Variants in PPP4R2 observed in about 807,000 individuals in gnomAD.
PPP4R2 encodes serine/threonine-protein phosphatase 4 regulatory subunit 2.
A neutral mutation model predicts 47.2 loss-of-function variants in PPP4R2; 13 were observed. The ratio of observed to expected loss-of-function variants is 0.28; its 90% CI spans 0.18 to 0.44. The LOEUF is 0.44. Among genes scored for constraint, PPP4R2 ranks in the 20% least tolerant of loss-of-function variants. The pLI, the probability that PPP4R2 is intolerant of heterozygous loss-of-function variation, is 1.00. For synonymous variants in PPP4R2, 151 were observed against 163.3 expected, an observed-to-expected ratio of 0.92 and a Z score of 0.57; for missense variants, 421 against 491.2, an observed-to-expected ratio of 0.86 and a Z score of 1.35.
rs554915209 is a variant in PPP4R2 at position 73,066,248 on chromosome 3, A to C, written c.*526A>C. ...AAGTCATATATACATACATATATAT[A>C]TATATATATATATAATTCTAAGGGG... On this transcript the variant is annotated 3_prime_UTR_variant, in exon 9 of 9. Coordinates refer to ENST00000356692, the MANE Select transcript of PPP4R2 (RefSeq NM_174907.4). The C allele has an allele frequency of 9.6e-5, 14 of 146,596 alleles. No individual in the cohort carries two copies. The highest frequency in any genetic ancestry group is 1.8e-4 in the Non-Finnish European group (12 of 66,516). The allele number at this position is 146,596 out of a possible 1,614,324, so 9.1% of individuals were successfully genotyped here. A position where few individuals can be genotyped will look rare whatever the true frequency, so the allele number is the denominator to read the frequency against.
chr3:73,063,032 T>C (rs1367711613), intron 5 of PPP4R2: 15 of 869,532 alleles, frequency 1.7e-5, no homozygotes, highest in East Asian at 2.5e-5. Context: ...AAAACAATGG[T>C]TAAAAAGGCA....
At chr3:73,060,079 T>G (rs1702820441) in intron 4 of PPP4R2, among the ~76,000 whole-genome samples, 2 of 152,184 alleles carry the variant, frequency 1.3e-5, no homozygotes, top group South Asian at 4.1e-4. Flanking sequence ...GTTCTAATTT[T>G]CAGTTGATGG....
At chr3:73,054,759 T>A (rs940601289) in intron 3 of PPP4R2, among the ~76,000 whole-genome samples, 5 of 152,268 alleles carry the variant, frequency 3.3e-5, no homozygotes, top group African/African-American at 1.2e-4. Context: ...GTTAAACTGA[T>A]TTTTTTAGAG....
At chr3:73,038,238 A>AG (rs1398018505) in intron 2 of PPP4R2, among the ~76,000 whole-genome samples, 11 of 151,960 alleles carry the variant, frequency 7.2e-5, no homozygotes, top group Non-Finnish European at 1.5e-4. Flanking sequence ...CAAGTTAAAA[A>AG]ACTCAACATC....
intron 2 of PPP4R2, among the ~76,000 whole-genome samples, chr3:73,043,812 G>C (rs1214347820): frequency 6.6e-6 from 1 of 152,152 alleles, no homozygotes; most frequent in African/African-American, 2.4e-5. Context: ...TTTATTGCCA[G>C]TAAGTACACT....
At chr3:73,063,862 A>G in intron 6 of PPP4R2, 115 bp downstream of exon 6, 2 of 1,089,152 alleles carry the variant, frequency 1.8e-6, no homozygotes, top group Non-Finnish European at 1.4e-6. Flanking sequence ...GATGAACTAC[A>G]TAGAATTAGT....
At chr3:73,034,366 G>A (rs148973642) in intron 2 of PPP4R2, among the ~76,000 whole-genome samples, 4 of 152,244 alleles carry the variant, frequency 2.6e-5, no homozygotes, top group South Asian at 2.1e-4. Context: ...TCCAGGTAAC[G>A]CAGAACACTT....
At chr3:73,048,208 A>C (rs1483500468) in intron 3 of PPP4R2, among the ~76,000 whole-genome samples, 3 of 151,972 alleles carry the variant, frequency 2.0e-5, no homozygotes, top group African/African-American at 7.2e-5. Context: ...ACTGTGTCTC[A>C]TACTCTGTCA....
At chr3:73,061,951 G>A (rs1032133335) in intron 5 of PPP4R2, 1 of 636,306 alleles carries the variant, frequency 1.6e-6, no homozygotes, top group African/African-American at 1.9e-5. Context: ...TTTCTTGACA[G>A]AAAAACTATT....
chr3:73,015,914 A>G, intron 2 of PPP4R2: 1 of 309,786 alleles, frequency 3.2e-6, no homozygotes, highest in Admixed American at 3.6e-5. Flanking sequence ...CTGGGATTAC[A>G]GACGTGAACT....
chr3:73,064,006 T>A lies in PPP4R2; in HGVS notation c.498T>A (p.Ser166=). Residue 166 remains serine (S), a synonymous_variant, in exon 7 of 9, where the codon TCT becomes TCA. Coordinates refer to ENST00000356692, the MANE Select transcript of PPP4R2 (RefSeq NM_174907.4). ...PGNSPSYTER[S]NINGPGTPRP... ...ATGTTCATTTATCTTATTATAGGTC[T>A]AATATAAATGGGCCTGGGACACCCA... 6.3e-7 allele frequency: 1 copy of A among 1,589,662 alleles called. No individual in the cohort carries two copies. Among genetic ancestry groups the A allele is most frequent in the Non-Finnish European group, 8.5e-7 (1 of 1,173,604 alleles).
intron 3 of PPP4R2, among the ~76,000 whole-genome samples, chr3:73,048,277 CAG>C (rs1244417782): frequency 6.6e-6 from 1 of 152,114 alleles, no homozygotes; most frequent in East Asian, 1.9e-4. Flanking sequence ...TGTTTTGAGA[CAG>C]AGTCTCGCTG....
chr3:73,040,896 G>C (rs1702365455), intron 2 of PPP4R2, among the ~76,000 whole-genome samples: 1 of 152,122 alleles, frequency 6.6e-6, no homozygotes, highest in East Asian at 1.9e-4. Context: ...AAGACTGTTT[G>C]TCCCATGCAA....
chr3:73,066,019 TG>T lies in PPP4R2; in HGVS notation c.*299del, dbSNP rs1330564505. The T allele has an allele frequency of 5.5e-6, 1 of 182,710 alleles. No homozygotes were observed. The highest frequency in any genetic ancestry group is 6.2e-5 in the Admixed American group (1 of 16,188). 11.3% of individuals were successfully genotyped at this position (182,710 alleles called of 1,614,324 possible). Reference sequence around the variant, plus strand: ...TAATTTAGGATTGAAGTTTTTAAACTGGAAAGTAATTACAATTTTGAAAAGT... The same window carrying T: ...TAATTTAGGATTGAAGTTTTTAAACTGAAAGTAATTACAATTTTGAAAAGT... On this transcript the variant is annotated 3_prime_UTR_variant, in exon 9 of 9. Coordinates refer to ENST00000356692, the MANE Select transcript of PPP4R2 (RefSeq NM_174907.4).
chr3:73,024,916 A>G (rs1245299810), intron 2 of PPP4R2, among the ~76,000 whole-genome samples: 1 of 152,178 alleles, frequency 6.6e-6, no homozygotes, highest in Non-Finnish European at 1.5e-5. Context: ...GGGTTGAGCT[A>G]CACTACCAAG....
chr3:73,042,594 A>G (rs931506451), intron 2 of PPP4R2, among the ~76,000 whole-genome samples: 7 of 151,712 alleles, frequency 4.6e-5, no homozygotes, highest in African/African-American at 1.7e-4. Context: ...TGGTCTCTTG[A>G]CCTTGTGATA....
At position 73,047,225 on chromosome 3, in the gene PPP4R2, A is replaced by G; in HGVS notation, c.156A>G (p.Lys52=). ...AATTTAAAGGCTATTTTATTTTCAA[A>G]CTGGAGAAAGTGATGGATGATTTCA... ...WSQFKGYFIF[K]LEKVMDDFRT... is the part of the protein sequence containing the mutation. Residue 52 remains lysine (K), a synonymous_variant, in exon 3 of 9, where the codon AAA becomes AAG. Transcript: ENST00000356692. 1 of 1,589,032 alleles carries G rather than the reference A, an allele frequency of 6.3e-7. No homozygotes were observed. Among genetic ancestry groups the G allele is most frequent in the Non-Finnish European group, 8.6e-7 (1 of 1,166,324 alleles).
chr3:73,004,036 G>C (rs984933294), intron 2 of PPP4R2, among the ~76,000 whole-genome samples: 1 of 151,884 alleles, frequency 6.6e-6, no homozygotes, highest in Admixed American at 6.6e-5. Flanking sequence ...GGGTTTCATC[G>C]TGTTGGCCAG....
chr3:73,009,145 A>T (rs9310257), intron 2 of PPP4R2, among the ~76,000 whole-genome samples: 58,529 of 152,006 alleles, frequency 0.39, 11,690 homozygotes, highest in African/African-American at 0.44. Context: ...GAGGCTTGTA[A>T]TAGATGATCT....
Sources: gnomAD v4.1 joint callset for allele counts (sites outside exome capture counted in the v4.1 genomes callset) on GRCh38, gnomAD v4.1.1 for gene constraint, MANE v1.5 for transcripts, NCBI Gene and HGNC (gene_info 2026-07-23, HGNC 2026-07-21) for gene names.